The following BPHL variants were observed in gnomAD, a reference collection of about 807,000 sequenced individuals.
BPHL encodes the protein biphenyl hydrolase like.
BPHL carries 27 observed loss-of-function variants against 31.2 expected under a neutral mutation model. The observed-to-expected ratio is 0.87, with a 90% CI of 0.64 to 1.19. The LOEUF is 1.19. Among genes scored for constraint, BPHL ranks in the 50% most tolerant of loss-of-function variants. The pLI is 0.00. For missense variants in BPHL, 356 were observed against 375.7 expected (o/e 0.95, Z 0.43); for synonymous variants, 150 against 146.8 (o/e 1.02, Z -0.16).
chr6:3,118,924 A>G lies in BPHL; in HGVS notation c.107+77A>G, dbSNP rs545921681. On this transcript the variant is annotated intron_variant, in intron 1 of 6. Coordinates refer to ENST00000380379, the MANE Select transcript of BPHL (RefSeq NM_004332.4). ...GGCGGCGGGAGGGGCGCGTGCCGACAGCAGGAGTTCCCGGCGCGCGGGCAC... is the reference window on the plus strand; with the variant it reads ...GGCGGCGGGAGGGGCGCGTGCCGACGGCAGGAGTTCCCGGCGCGCGGGCAC... 913 of 1,151,254 alleles carry G rather than the reference A, an allele frequency of 7.9e-4. 4 individuals carry two copies. The African/African-American group carries it at 0.013, about 17-fold the overall frequency. 71.3% of individuals were successfully genotyped at this position (1,151,254 alleles called of 1,614,324 possible). A position where few individuals can be genotyped will look rare whatever the true frequency, so the allele number is the denominator to read the frequency against.
chr6:3,136,194 A>G (rs1762014000), intron 4 of BPHL, among the ~76,000 whole-genome samples: 1 of 152,206 alleles, frequency 6.6e-6, no homozygotes, highest in South Asian at 2.1e-4. Context: ...ATACGGCCAA[A>G]AGTAGAAGCA....
At chr6:3,128,957 C>T (rs998817196) in intron 3 of BPHL, 88 bp from the exon 4 acceptor site, 21 of 1,573,920 alleles carry the variant, frequency 1.3e-5, no homozygotes, top group Non-Finnish European at 1.8e-5. Flanking sequence ...AGCCTCACAC[C>T]TGTATTGATT....
intron 4 of BPHL, among the ~76,000 whole-genome samples, chr6:3,131,213 C>T (rs1409919757): frequency 1.3e-5 from 2 of 152,064 alleles, no homozygotes; most frequent in African/African-American, 4.8e-5. Context: ...CCTTTCCTTC[C>T]TTCTTTAGTC....
Position 3,123,662 on chromosome 6 carries a change from C to A in BPHL, c.113C>A (p.Ser38Ter), listed in dbSNP as rs761218163. Residue 38 changes from serine to a stop codon, truncating the protein, a stop_gained, in exon 2 of 7, where the codon TCG (serine) becomes TAG (stop). Coordinates refer to ENST00000380379, the MANE Select transcript of BPHL (RefSeq NM_004332.4). LOFTEE classifies it high-confidence loss of function. ...ATGTGTTTTTTCTCTTCTAGCACCT[C>A]GGTAACCTCTGCCAAAGTGGCTGTG... ...RAGPAAAFGT[S>*]VTSAKVAVNG... is the part of the protein sequence containing the mutation. 1 of 1,613,366 alleles carries A rather than the reference C, an allele frequency of 6.2e-7. No individual in the cohort carries two copies. The highest frequency in any genetic ancestry group is 1.7e-5 in the Admixed American group (1 of 59,942).
At chr6:3,123,571 C>G in intron 1 of BPHL, 86 bp from the exon 2 acceptor site, 1 of 1,166,086 alleles carries the variant, frequency 8.6e-7, no homozygotes, top group Admixed American at 1.8e-5. Context: ...ACACTTATTC[C>G]TCCTGTCTAG....
chr6:3,134,434 T>C lies in BPHL; in HGVS notation c.533-2928T>C, dbSNP rs571286021. On this transcript the variant is annotated intron_variant, in intron 4 of 6. Transcript: ENST00000380379. ...TTCTTTCCTTTTTCTTTTTCTTTTC[T>C]TTCCTTTTTTTTTTTTTTTTTTGAG... 2.0e-5 allele frequency among the ~76,000 whole-genome samples: 3 copies of C among 149,546 alleles called. No individual in the cohort carries two copies. In the South Asian group the frequency reaches 6.2e-4, roughly 31 times the overall value.
At chr6:3,118,641 G>T, upstream of BPHL, 3 of 829,364 alleles carry the variant, frequency 3.6e-6, no homozygotes, top group Non-Finnish European at 4.8e-6. Context: ...GGAGAGGCGA[G>T]GTGGGCGGAG....
intron 4 of BPHL, among the ~76,000 whole-genome samples, chr6:3,132,526 T>G (rs572614038): frequency 6.6e-6 from 1 of 151,492 alleles, no homozygotes; most frequent in Non-Finnish European, 1.5e-5. Context: ...TCGACTGTTG[T>G]TTTTTTTTAA....
At chr6:3,129,011 A>G in intron 3 of BPHL, 34 bp from the exon 4 acceptor site, 1 of 1,614,176 alleles carries the variant, frequency 6.2e-7, no homozygotes, top group East Asian at 2.2e-5. Context: ...GAGGAGCAAT[A>G]ACCCGTGCCG....
chr6:3,137,292 C>T lies in BPHL; in HGVS notation c.533-70C>T, dbSNP rs532869218. ...CGCATGGGCTCAGAAGTGGCTCTTG[C>T]TCAGAATACTTAAAGACAATACTTT... On this transcript the variant is annotated intron_variant, in intron 4 of 6. Transcript: ENST00000380379. 4.5e-5 allele frequency: 70 copies of T among 1,563,144 alleles called. No individual in the cohort carries two copies. In the East Asian group the frequency reaches 1.5e-3, roughly 34 times the overall value.
rs1237604988 is a variant in BPHL at position 3,128,991 on chromosome 6, T to C, written c.379-54T>C. 32 of 1,611,572 alleles carry C rather than the reference T, an allele frequency of 2.0e-5. No individual in the cohort carries two copies. The East Asian group carries it at 6.5e-4, about 33-fold the overall frequency. On this transcript the variant is annotated intron_variant, in intron 3 of 6. Transcript: ENST00000380379. Reference sequence around the variant, plus strand: ...TTCTGATAATTAGTGATTCAGTTTCTTTTAACAGAGAGGAGCAATAACCCG... The same window carrying C: ...TTCTGATAATTAGTGATTCAGTTTCCTTTAACAGAGAGGAGCAATAACCCG...
intron 4 of BPHL, among the ~76,000 whole-genome samples, chr6:3,131,307 C>T (rs1018886636): frequency 3.9e-5 from 6 of 152,246 alleles, no homozygotes; most frequent in African/African-American, 1.4e-4. Context: ...CTTGTTCTTT[C>T]CCATAATCAC....
In BPHL at chr6:3,127,255, T is replaced by C. The variant is rs1761741710; in HGVS notation, c.225T>C (p.Thr75=). ...LLPGMLGSGE[T]DFGPQLKNLN... ...GGCTGTTTTTAGGAAGTGGAGAGAC[T>C]GATTTTGGACCTCAGCTCAAGAACC... is the stretch of plus-strand genomic sequence containing the variant. The change falls in exon 3 of 7, where the codon ACT becomes ACC. Residue 75 remains threonine, a synonymous_variant. Coordinates refer to ENST00000380379, the MANE Select transcript of BPHL (RefSeq NM_004332.4). 6.4e-7 allele frequency: 1 copy of C among 1,553,304 alleles called. No individual in the cohort carries two copies. The highest frequency in any genetic ancestry group is 1.8e-5 in the Admixed American group (1 of 54,720).
Position 3,138,015 on chromosome 6 carries a change from A to C in BPHL, c.664+522A>C, listed in dbSNP as rs1762060013. Reference sequence around the variant, plus strand: ...TGACTGTAACCATGAACAATGCACAAATGTCTCCTATTCTTTTTTTTTTAG... The same window carrying C: ...TGACTGTAACCATGAACAATGCACACATGTCTCCTATTCTTTTTTTTTTAG... On this transcript the variant is annotated intron_variant, in intron 5 of 6. Coordinates refer to ENST00000380379, the MANE Select transcript of BPHL (RefSeq NM_004332.4). The C allele has an allele frequency of 3.1e-6, 4 of 1,279,134 alleles. No homozygotes were observed. The South Asian group carries it at 3.7e-5, about 12-fold the overall frequency. The allele number at this position is 1,279,134 out of a possible 1,614,324, so 79.2% of individuals were successfully genotyped here. A position where few individuals can be genotyped will look rare whatever the true frequency, so the allele number is the denominator to read the frequency against.
intron 1 of BPHL, among the ~76,000 whole-genome samples, chr6:3,122,713 G>A (rs1214771625): frequency 6.6e-6 from 1 of 152,168 alleles, no homozygotes; most frequent in African/African-American, 2.4e-5. Context: ...TGAGATGGAG[G>A]CTTATGGACA....
In BPHL at chr6:3,140,577, G is replaced by A. The variant is rs2113767317; in HGVS notation, c.788+68G>A. The A allele has an allele frequency of 6.3e-7, 1 of 1,597,176 alleles. No homozygotes were observed. The highest frequency in any genetic ancestry group is 8.5e-7 in the Non-Finnish European group (1 of 1,173,660). The stretch of plus-strand genomic sequence containing the variant: ...GAGTCAATGGGCAAAGCTACTGGAA[G>A]GAAAATAACCAAGAGGAGTTGGAGT... On this transcript the variant is annotated intron_variant, in intron 6 of 6. Coordinates refer to ENST00000380379, the MANE Select transcript of BPHL (RefSeq NM_004332.4). This position sits in a 1 kb window ranked among gnomAD's most constrained non-coding sequence, Gnocchi z 5.2.
rs532000348 is a variant in BPHL at position 3,131,903 on chromosome 6, G to A, written c.532+2705G>A. 1.0e-3 allele frequency among the ~76,000 whole-genome samples: 157 copies of A among 152,210 alleles called. 1 individual carries two copies. The highest frequency in any genetic ancestry group is 3.6e-3 in the African/African-American group (151 of 41,526). ...GCGTCCCGGAGCCCTGAGACCTGGC[G>A]GTGCTCTCCCTCCTGGACCCCGCCA... On this transcript the variant is annotated intron_variant, in intron 4 of 6. Coordinates refer to ENST00000380379, the MANE Select transcript of BPHL (RefSeq NM_004332.4).
rs945520938 is a variant in BPHL, at chr6:3,149,382, G to A, written c.789-3106G>A. On this transcript the variant is annotated intron_variant, in intron 6 of 6. Transcript: ENST00000380379. This position sits in a 1 kb window ranked among gnomAD's most constrained non-coding sequence, Gnocchi z 4.6. The stretch of plus-strand genomic sequence containing the variant: ...AAAGCACCAACCCAGCAGCCCGAGG[G>A]TCCTCTAGCAGCCCACTTCAAGCCG... 1.3e-5 allele frequency among the ~76,000 whole-genome samples: 2 copies of A among 152,154 alleles called. No individual in the cohort carries two copies. Among genetic ancestry groups the A allele is most frequent in the Non-Finnish European group, 2.9e-5 (2 of 68,038 alleles).
At chr6:3,152,436 T>C in intron 6 of BPHL, 52 bp from the exon 7 acceptor site, 1 of 1,488,016 alleles carries the variant, frequency 6.7e-7, no homozygotes, top group South Asian at 1.2e-5. Context: ...GTGAGGGGTT[T>C]GTTCTTAAGT....
Sources: allele counts gnomAD v4.1 joint callset (sites outside exome capture counted in the v4.1 genomes callset), GRCh38; gene constraint gnomAD v4.1.1; non-coding constraint Gnocchi (gnomAD v3.1); transcripts MANE v1.5; gene names NCBI Gene and HGNC (gene_info 2026-07-23, HGNC 2026-07-21).